Variants in KIAA1549L observed in about 807,000 individuals in gnomAD.
The protein encoded by KIAA1549L is KIAA1549 like, also known as UPF0606 protein KIAA1549L.
KIAA1549L carries 88 observed loss-of-function variants against 160.7 expected under a neutral mutation model. That is an observed-to-expected ratio of 0.55 (90% CI 0.46 to 0.65). KIAA1549L has a LOEUF of 0.65. Ranked by LOEUF, KIAA1549L falls within the 30% of genes least tolerant of loss-of-function variation. KIAA1549L has a pLI of 0.00. For synonymous variants in KIAA1549L, 950 were observed against 976.7 expected (o/e 0.97, Z 0.51); for missense variants, 2,258 against 2,437.5 (o/e 0.93, Z 1.55).
Position 33,552,125 on chromosome 11 carries a change from C to G in KIAA1549L, c.3739C>G (p.Gln1247Glu), listed in dbSNP as rs923585254. 1 of 1,613,558 alleles carries G rather than the reference C, an allele frequency of 6.2e-7. No homozygotes were observed. ...CATTCTAGTGCTGCAGTTTGTGAGC[C>G]AAGCGGACAACATACAGTCCTGCAA... ...QLKTVLQFVS[Q>E]ADNIQSCKFA... The change falls in exon 6 of 21, where the codon CAA becomes GAA. Residue 1247 changes from glutamine (Q) to glutamate (E), a missense_variant. Physicochemically the swap from Gln to Glu is conservative, Grantham distance 29. Coordinates refer to ENST00000658780, the MANE Select transcript of KIAA1549L (RefSeq NM_012194.3).
In KIAA1549L at chr11:33,562,709, G is replaced by A. The variant is rs188844477; in HGVS notation, c.4078+974G>A. Among the ~76,000 whole-genome samples the A allele has an allele frequency of 9.6e-5, 13 of 135,916 alleles. 1 individual carries two copies. The highest frequency in any genetic ancestry group is 2.6e-4 in the African/African-American group (9 of 35,144). 89.2% of individuals were successfully genotyped at this position (135,916 alleles called of 152,430 possible). On this transcript the variant is annotated intron_variant, in intron 8 of 20. Coordinates refer to ENST00000658780, the MANE Select transcript of KIAA1549L (RefSeq NM_012194.3). ...TTTTTTTTTTTTGAGATAGAGTTTC[G>A]TTCTCGTGGCTCAGGCTGGAGTGCA... is the stretch of plus-strand genomic sequence containing the variant.
chr11:33,594,072 GC>G (rs976428056), intron 12 of KIAA1549L, among the ~76,000 whole-genome samples: 1 of 152,086 alleles, frequency 6.6e-6, no homozygotes, highest in African/African-American at 2.4e-5. Context: ...GATCCAAGAA[GC>G]CAAGAGAAGG....
chr11:33,608,999 C>T lies in KIAA1549L; in HGVS notation c.5062-750C>T, dbSNP rs143111347. Among the ~76,000 whole-genome samples the T allele has an allele frequency of 4.2e-3, 637 of 152,328 alleles. 10 individuals are homozygous for T. Among genetic ancestry groups the T allele is most frequent in the African/African-American group, 0.014 (582 of 41,578 alleles). ...GAAAGCATAATAAAAACAGAAAGTT[C>T]GGAAACGTTGGTGTGACATTCTCAT... On this transcript the variant is annotated intron_variant, in intron 14 of 20. Transcript: ENST00000658780.
intron 9 of KIAA1549L, among the ~76,000 whole-genome samples, chr11:33,573,800 T>G (rs925206078): frequency 2.0e-5 from 3 of 152,196 alleles, no homozygotes; most frequent in African/African-American, 7.2e-5. Context: ...GAACACTATG[T>G]AGGTATTAAA....
chr11:33,464,700 A>G (rs1852012606), intron 1 of KIAA1549L, among the ~76,000 whole-genome samples: 1 of 152,006 alleles, frequency 6.6e-6, no homozygotes, highest in African/African-American at 2.4e-5. Flanking sequence ...TTCTAGATCC[A>G]CATCTGTTCA....
intron 1 of KIAA1549L, among the ~76,000 whole-genome samples, chr11:33,528,851 A>T (rs1408887277): frequency 6.6e-6 from 1 of 152,212 alleles, no homozygotes; most frequent in Non-Finnish European, 1.5e-5. Context: ...GGTGAAGGAT[A>T]AAAGACTACA....
intron 1 of KIAA1549L, among the ~76,000 whole-genome samples, chr11:33,419,468 CA>C (rs1850955827): frequency 6.6e-6 from 1 of 152,202 alleles, no homozygotes; most frequent in Non-Finnish European, 1.5e-5. Flanking sequence ...TCCTTATAGT[CA>C]GATTTATTAC....
intron 1 of KIAA1549L, among the ~76,000 whole-genome samples, chr11:33,531,910 A>G (rs908677986): frequency 6.6e-6 from 1 of 152,156 alleles, no homozygotes; most frequent in East Asian, 1.9e-4. Context: ...ATGTTTGCCA[A>G]AACAGCCCTG....
In KIAA1549L at chr11:33,467,246, G is replaced by A. The variant is rs183831829; in HGVS notation, c.239-74556G>A. On this transcript the variant is annotated intron_variant, in intron 1 of 20. Coordinates refer to ENST00000658780, the MANE Select transcript of KIAA1549L (RefSeq NM_012194.3). Reference sequence around the variant, plus strand: ...GGAGAAGCAGCAGCCAGTAGAGAAAGAGGTGAGGGGTGGGAAAGGCAGTCT... The same window carrying A: ...GGAGAAGCAGCAGCCAGTAGAGAAAAAGGTGAGGGGTGGGAAAGGCAGTCT... Among the ~76,000 whole-genome samples, 205 of 152,280 alleles carry A rather than the reference G, an allele frequency of 1.3e-3. 4 individuals are homozygous for A. In the East Asian group the frequency reaches 0.035, roughly 26 times the overall value.
chr11:33,536,290 C>T (rs1410261285), intron 1 of KIAA1549L, among the ~76,000 whole-genome samples: 1 of 152,216 alleles, frequency 6.6e-6, no homozygotes, highest in Non-Finnish European at 1.5e-5. Context: ...TTCCCTGCCT[C>T]ATGATGTCTG....
At chr11:33,474,480 C>T (rs557842853) in intron 1 of KIAA1549L, among the ~76,000 whole-genome samples, 7 of 152,342 alleles carry the variant, frequency 4.6e-5, no homozygotes, top group Middle Eastern at 3.4e-3. Context: ...CTCTTTCTCT[C>T]GCTGTCTTAG....
At position 33,631,323 on chromosome 11, in the gene KIAA1549L, TTC is replaced by T. The variant is rs138504784; in HGVS notation, c.5409+12662_5409+12663del. Among the ~76,000 whole-genome samples, 1,369 of 152,302 alleles carry T rather than the reference TTC, an allele frequency of 9.0e-3. 11 individuals carry two copies. The highest frequency in any genetic ancestry group is 0.032 in the African/African-American group (1,324 of 41,560). On this transcript the variant is annotated intron_variant, in intron 16 of 20. Coordinates refer to ENST00000658780, the MANE Select transcript of KIAA1549L (RefSeq NM_012194.3). Reference sequence around the variant, plus strand: ...CCCCCTTGGCTCCAGCCTGAACACCTTCCCCAAACTTGTCCTGTGGTTTCTCA... The same window carrying T: ...CCCCCTTGGCTCCAGCCTGAACACCTCCCAAACTTGTCCTGTGGTTTCTCA...
At position 33,670,214 on chromosome 11, in the gene KIAA1549L, G is replaced by A. The variant is rs923748704; in HGVS notation, c.*2060G>A. 3 of 152,194 alleles carry A rather than the reference G, an allele frequency of 2.0e-5. No homozygotes were observed. The highest frequency in any genetic ancestry group is 2.9e-5 in the Non-Finnish European group (2 of 68,046). 9.4% of individuals were successfully genotyped at this position (152,194 alleles called of 1,614,324 possible). A position where few individuals can be genotyped will look rare whatever the true frequency, so the allele number is the denominator to read the frequency against. On this transcript the variant is annotated 3_prime_UTR_variant, in exon 21 of 21. Coordinates refer to ENST00000658780, the MANE Select transcript of KIAA1549L (RefSeq NM_012194.3). ...TTCATTAGTGCAATGATATCAACCA[G>A]TACTTTGTCTACTTGGTAAATGCCT...
At chr11:33,526,082 A>G (rs908826419) in intron 1 of KIAA1549L, among the ~76,000 whole-genome samples, 11 of 152,180 alleles carry the variant, frequency 7.2e-5, no homozygotes, top group East Asian at 1.9e-4. Flanking sequence ...TGGTAGCTCT[A>G]TGGCCCCACC....
At chr11:33,461,793 C>T (rs572709878) in intron 1 of KIAA1549L, among the ~76,000 whole-genome samples, 1 of 152,266 alleles carries the variant, frequency 6.6e-6, no homozygotes, top group South Asian at 2.1e-4. Context: ...TCATTATGCT[C>T]CTTATTTTGC....
intron 11 of KIAA1549L, among the ~76,000 whole-genome samples, chr11:33,589,562 C>T (rs1362359427): frequency 6.6e-6 from 1 of 152,178 alleles, no homozygotes; most frequent in Admixed American, 6.5e-5. Context: ...ACATATACAC[C>T]ATGGAATACT....
chr11:33,524,834 C>G (rs1232918880), intron 1 of KIAA1549L, among the ~76,000 whole-genome samples: 1 of 152,166 alleles, frequency 6.6e-6, no homozygotes, highest in Non-Finnish European at 1.5e-5. Flanking sequence ...TTCAAAACCT[C>G]ATACTTGCTT....
chr11:33,563,106 C>G (rs1294223842), intron 8 of KIAA1549L, among the ~76,000 whole-genome samples: 1 of 151,636 alleles, frequency 6.6e-6, no homozygotes, highest in African/African-American at 2.4e-5. Flanking sequence ...CCCTGTAATC[C>G]CAGAACTTTG....
chr11:33,419,153 A>T (rs1272583307), intron 1 of KIAA1549L, among the ~76,000 whole-genome samples: 3 of 152,134 alleles, frequency 2.0e-5, no homozygotes, highest in Non-Finnish European at 4.4e-5. Context: ...GATTACAGGC[A>T]TGAGCCACCA....
Sources: allele counts gnomAD v4.1 joint callset (sites outside exome capture counted in the v4.1 genomes callset), GRCh38; gene constraint gnomAD v4.1.1; transcripts MANE v1.5; gene names NCBI Gene and HGNC (gene_info 2026-07-23, HGNC 2026-07-21).